The following KIRREL3 variants were observed in gnomAD, a reference collection of about 807,000 sequenced individuals.
KIRREL3 encodes kirre like nephrin family adhesion molecule 3.
A neutral mutation model predicts 89.7 loss-of-function variants in KIRREL3; 36 were observed. The ratio of observed to expected loss-of-function variants is 0.40; its 90% CI spans 0.31 to 0.53. The LOEUF is 0.53. Among genes scored for constraint, KIRREL3 ranks in the 20% least tolerant of loss-of-function variants. The probability of loss-of-function intolerance (pLI) is 0.49; values close to 1 mark genes in which losing one functional copy is unlikely to be tolerated. For synonymous variants in KIRREL3, 445 were observed against 441.4 expected, an observed-to-expected ratio of 1.01 and a Z score of -0.10; for missense variants, 864 against 1,056.6, an observed-to-expected ratio of 0.82 and a Z score of 2.53.
rs1250987532 is a variant in KIRREL3 at position 126,719,408 on chromosome 11, A to G, written c.56-156496T>C. Among the ~76,000 whole-genome samples, 2 of 151,948 alleles carry G rather than the reference A, an allele frequency of 1.3e-5. No individual in the cohort carries two copies. The highest frequency in any genetic ancestry group is 2.9e-5 in the Non-Finnish European group (2 of 67,996). On this transcript the variant is annotated intron_variant, in intron 1 of 16. Coordinates refer to ENST00000525144, the MANE Select transcript of KIRREL3 (RefSeq NM_032531.4). This position sits in a 1 kb window ranked among gnomAD's most constrained non-coding sequence, Gnocchi z 4.7. Reference sequence around the variant, plus strand: ...CCTTTGCTAGTTCCTCCCCATCTCTATTATTCCCAAATGTTGGAGGACCTC... The same window carrying G: ...CCTTTGCTAGTTCCTCCCCATCTCTGTTATTCCCAAATGTTGGAGGACCTC...
At position 126,521,525 on chromosome 11, in the gene KIRREL3, A is replaced by G; in HGVS notation, c.284-61T>C. The stretch of plus-strand genomic sequence containing the variant: ...GGGGTGGAGGGGACACCCATGACAA[A>G]GAGGCACAGAATGGAGGACCCAAGC... On this transcript the variant is annotated intron_variant, in intron 3 of 16. Transcript: ENST00000525144. The surrounding 1 kb of genome is among the most constrained non-coding windows in gnomAD (Gnocchi z 4.1). 5 of 1,470,096 alleles carry G rather than the reference A, an allele frequency of 3.4e-6. No individual in the cohort carries two copies. The highest frequency in any genetic ancestry group is 4.6e-6 in the Non-Finnish European group (5 of 1,089,666). The allele number at this position is 1,470,096 out of a possible 1,614,324, so 91.1% of individuals were successfully genotyped here.
At position 126,429,301 on chromosome 11, in the gene KIRREL3, T is replaced by C. The variant is rs770259323; in HGVS notation, c.1697-13A>G. 1.9e-5 allele frequency: 29 copies of C among 1,554,818 alleles called. 1 individual carries two copies. In the Admixed American group the frequency reaches 2.5e-4, roughly 13 times the overall value. On this transcript the variant is annotated splice_polypyrimidine_tract_variant and intron_variant, in intron 14 of 16. Coordinates refer to ENST00000525144, the MANE Select transcript of KIRREL3 (RefSeq NM_032531.4). The surrounding 1 kb of genome is among the most constrained non-coding windows in gnomAD (Gnocchi z 5.2). ...ACACCTTTGAGATCTGGAGATAAAA[T>C]AGTAAAGTGTAGATGATAGATTTAG...
chr11:126,966,487 G>A (rs1189393324), intron 1 of KIRREL3, among the ~76,000 whole-genome samples: 1 of 152,126 alleles, frequency 6.6e-6, no homozygotes, highest in Non-Finnish European at 1.5e-5. Context: ...TTTACATCAT[G>A]GTATCCTCCT....
chr11:126,509,936 G>A (rs375086674), intron 4 of KIRREL3, among the ~76,000 whole-genome samples: 9 of 127,078 alleles, frequency 7.1e-5, no homozygotes, highest in African/African-American at 2.6e-4. Flanking sequence ...GCAGTGAGCC[G>A]AGATTGTGCC....
At chr11:126,980,683 G>A (rs571060142) in intron 1 of KIRREL3, among the ~76,000 whole-genome samples, 1 of 152,316 alleles carries the variant, frequency 6.6e-6, no homozygotes, top group African/African-American at 2.4e-5. Context: ...AATTGGTTAT[G>A]GGAGATGAGA....
At position 126,570,671 on chromosome 11, in the gene KIRREL3, C is replaced by G. The variant is rs1009127210; in HGVS notation, c.56-7759G>C. On this transcript the variant is annotated intron_variant, in intron 1 of 16. Coordinates refer to ENST00000525144, the MANE Select transcript of KIRREL3 (RefSeq NM_032531.4). This position sits in a 1 kb window ranked among gnomAD's most constrained non-coding sequence, Gnocchi z 6.1. ...CCTTCTCCAGCCTGCTCCAGCCATG[C>G]CATTATTTGGCTGGCATAGCTCTAT... Among the ~76,000 whole-genome samples the G allele has an allele frequency of 8.5e-5, 13 of 152,188 alleles. No homozygotes were observed. Among genetic ancestry groups the G allele is most frequent in the Non-Finnish European group, 1.9e-4 (13 of 68,034 alleles).
Position 126,477,213 on chromosome 11 carries a change from G to A in KIRREL3, c.434-3747C>T, listed in dbSNP as rs1591605089. ...GATTATGAAAGAAACACATCATCGC[G>A]GGATGCTGAGCTCTTTACAGTTTAC... On this transcript the variant is annotated intron_variant, in intron 4 of 16. Coordinates refer to ENST00000525144, the MANE Select transcript of KIRREL3 (RefSeq NM_032531.4). The surrounding 1 kb of genome is among the most constrained non-coding windows in gnomAD (Gnocchi z 4.8). Among the ~76,000 whole-genome samples the A allele has an allele frequency of 1.3e-5, 2 of 152,324 alleles. No homozygotes were observed. Among genetic ancestry groups the A allele is most frequent in the South Asian group, 2.1e-4 (1 of 4,824 alleles).
Position 126,578,223 on chromosome 11 carries a change from A to G in KIRREL3, c.56-15311T>C, listed in dbSNP as rs1941358831. Among the ~76,000 whole-genome samples, 1 of 152,008 alleles carries G rather than the reference A, an allele frequency of 6.6e-6. No individual in the cohort carries two copies. Among genetic ancestry groups the G allele is most frequent in the Admixed American group, 6.5e-5 (1 of 15,268 alleles). ...TTTTCCAAAATAAACAACCCTTAGG[A>G]TGTTTCGGTCCTGGGATGCTTGCAG... On this transcript the variant is annotated intron_variant, in intron 1 of 16. Transcript: ENST00000525144. This position sits in a 1 kb window ranked among gnomAD's most constrained non-coding sequence, Gnocchi z 4.9.
In KIRREL3 at chr11:126,486,852, C is replaced by A. The variant is rs1957375051; in HGVS notation, c.434-13386G>T. On this transcript the variant is annotated intron_variant, in intron 4 of 16. Transcript: ENST00000525144. This position sits in a 1 kb window ranked among gnomAD's most constrained non-coding sequence, Gnocchi z 6.2. ...GGTAGCTTTAATAGCATCAAGGCAG[C>A]CATCCTGACCCAGCAAAGGGCCAGG... 6.6e-6 allele frequency among the ~76,000 whole-genome samples: 1 copy of A among 152,168 alleles called. No homozygotes were observed. Among genetic ancestry groups the A allele is most frequent in the Admixed American group, 6.5e-5 (1 of 15,288 alleles).
At chr11:126,942,586 G>A (rs1197634004) in intron 1 of KIRREL3, among the ~76,000 whole-genome samples, 1 of 152,216 alleles carries the variant, frequency 6.6e-6, no homozygotes, top group Non-Finnish European at 1.5e-5. Context: ...ACTGTGGAGT[G>A]ACAGCCAGAC....
chr11:126,899,744 T>C (rs1054601684), intron 1 of KIRREL3, among the ~76,000 whole-genome samples: 2 of 152,236 alleles, frequency 1.3e-5, no homozygotes, highest in African/African-American at 4.8e-5. Flanking sequence ...GGAAGGTTGG[T>C]TAGCTAGGGC....
chr11:126,834,239 A>T (rs1354459829), intron 1 of KIRREL3, among the ~76,000 whole-genome samples: 1 of 152,138 alleles, frequency 6.6e-6, no homozygotes, highest in African/African-American at 2.4e-5. Flanking sequence ...CTGGGAGGTG[A>T]GGTTGTCATA....
At chr11:126,451,198 T>C (rs1317843250) in intron 7 of KIRREL3, among the ~76,000 whole-genome samples, 1 of 149,370 alleles carries the variant, frequency 6.7e-6, no homozygotes, top group Non-Finnish European at 1.5e-5. Context: ...GCCGTGTGTG[T>C]GCATGTGTGT....
intron 1 of KIRREL3, among the ~76,000 whole-genome samples, chr11:126,673,536 A>G (rs1946052465): frequency 6.6e-6 from 1 of 152,216 alleles, no homozygotes; most frequent in African/African-American, 2.4e-5. Context: ...CAAGGAATTC[A>G]TAATTGCTTC....
intron 1 of KIRREL3, among the ~76,000 whole-genome samples, chr11:126,717,990 A>G (rs1055785558): frequency 1.3e-5 from 2 of 152,298 alleles, no homozygotes; most frequent in African/African-American, 2.4e-5. Flanking sequence ...ACAGAACTCT[A>G]CATTTTTTCA....
In KIRREL3 at chr11:126,696,586, T is replaced by A. The variant is rs1591977716; in HGVS notation, c.56-133674A>T. On this transcript the variant is annotated intron_variant, in intron 1 of 16. Transcript: ENST00000525144. This position sits in a 1 kb window ranked among gnomAD's most constrained non-coding sequence, Gnocchi z 4.4. Reference sequence around the variant, plus strand: ...CTCACCTCTGCCATCCTCCACGTGATCCCCAAACGTTGCTGATCAACACAC... The same window carrying A: ...CTCACCTCTGCCATCCTCCACGTGAACCCCAAACGTTGCTGATCAACACAC... Among the ~76,000 whole-genome samples, 1 of 152,134 alleles carries A rather than the reference T, an allele frequency of 6.6e-6. No homozygotes were observed. Among genetic ancestry groups the A allele is most frequent in the South Asian group, 2.1e-4 (1 of 4,814 alleles).
rs1287650526 is a variant in KIRREL3, at chr11:126,624,573, C to T, written c.56-61661G>A. Among the ~76,000 whole-genome samples, 1 of 152,208 alleles carries T rather than the reference C, an allele frequency of 6.6e-6. No individual in the cohort carries two copies. The highest frequency in any genetic ancestry group is 1.9e-4 in the East Asian group (1 of 5,192). On this transcript the variant is annotated intron_variant, in intron 1 of 16. Coordinates refer to ENST00000525144, the MANE Select transcript of KIRREL3 (RefSeq NM_032531.4). The surrounding 1 kb of genome is among the most constrained non-coding windows in gnomAD (Gnocchi z 6.0). ...TTCCCAGTGTGCTTGGAACACTCTA[C>T]TGTGTTATTCACCTGACGGATTAAG...
At chr11:126,512,955 CT>C (rs1958273014) in intron 4 of KIRREL3, among the ~76,000 whole-genome samples, 1 of 152,186 alleles carries the variant, frequency 6.6e-6, no homozygotes, top group Admixed American at 6.5e-5. Flanking sequence ...TCATCAGCCC[CT>C]GTCTCACAGC....
rs1290060544 is a variant in KIRREL3, at chr11:126,768,982, C to T, written c.56-206070G>A. 2.6e-5 allele frequency among the ~76,000 whole-genome samples: 4 copies of T among 152,336 alleles called. No homozygotes were observed. In the East Asian group the frequency reaches 5.8e-4, roughly 22 times the overall value. ...GTCTCAACATCTTTTTACATGATCACGACTTGCAGTTTCCCAAATACACAT... is the reference window on the plus strand; with the variant it reads ...GTCTCAACATCTTTTTACATGATCATGACTTGCAGTTTCCCAAATACACAT... On this transcript the variant is annotated intron_variant, in intron 1 of 16. Transcript: ENST00000525144. This position sits in a 1 kb window ranked among gnomAD's most constrained non-coding sequence, Gnocchi z 4.5.
Sources: allele counts gnomAD v4.1 joint callset (sites outside exome capture counted in the v4.1 genomes callset), GRCh38; gene constraint gnomAD v4.1.1; non-coding constraint Gnocchi (gnomAD v3.1); transcripts MANE v1.5; gene names NCBI Gene and HGNC (gene_info 2026-07-23, HGNC 2026-07-21).